The following CYP2C19 variants were observed in gnomAD, a reference collection of about 807,000 sequenced individuals.
CYP2C19 encodes the protein cytochrome P450 2C19.
CYP2C19 carries 59 observed loss-of-function variants against 40.9 expected under a neutral mutation model. The ratio of observed to expected loss-of-function variants is 1.44; its 90% CI spans 1.17 to 1.79. The LOEUF is 1.79. CYP2C19 is among the 40% of genes most tolerant of loss of function. The pLI is 0.00. For missense variants in CYP2C19, 754 were observed against 596.9 expected, an observed-to-expected ratio of 1.26 and a Z score of -2.74; for synonymous variants, 253 against 208.7, an observed-to-expected ratio of 1.21 and a Z score of -1.83.
chr10:94,809,972 T>G (rs1848889612), intron 5 of CYP2C19, among the ~76,000 whole-genome samples: 1 of 152,004 alleles, frequency 6.6e-6, no homozygotes. Flanking sequence ...ACTTCTGCCT[T>G]TCAGATTCAA....
chr10:94,835,395 C>T (rs952707109), intron 6 of CYP2C19, among the ~76,000 whole-genome samples: 2 of 152,116 alleles, frequency 1.3e-5, no homozygotes, highest in South Asian at 2.1e-4. Flanking sequence ...GGTGGCTAGC[C>T]ATCCCGAGGG....
At chr10:94,813,034 C>T (rs1416345336) in intron 5 of CYP2C19, among the ~76,000 whole-genome samples, 7 of 151,618 alleles carry the variant, frequency 4.6e-5, no homozygotes, top group South Asian at 4.2e-4. Context: ...TGTTGGTGAC[C>T]TTTGAATGGG....
intron 6 of CYP2C19, among the ~76,000 whole-genome samples, chr10:94,836,889 A>G (rs1424660485): frequency 2.0e-5 from 3 of 152,202 alleles, no homozygotes; most frequent in Admixed American, 6.5e-5. Context: ...GTGTCCAGGT[A>G]TGAGAATTGA....
Position 94,775,107 on chromosome 10 carries a change from G to A in CYP2C19, c.218G>A (p.Arg73His), listed in dbSNP as rs201306972. Residue 73 changes from arginine (R) to histidine (H), a missense_variant, in exon 2 of 9, where the codon CGC becomes CAC. Coordinates refer to ENST00000371321, the MANE Select transcript of CYP2C19 (RefSeq NM_000769.4). ...PVFTLYFGLE[R>H]MVVLHGYEVV... ...TTCACTCTGTATTTTGGCCTGGAAC[G>A]CATGGTGGTGCTGCATGGATATGAA... is the stretch of plus-strand genomic sequence containing the variant. 69 of 1,614,110 alleles carry A rather than the reference G, an allele frequency of 4.3e-5. No individual in the cohort carries two copies. Among genetic ancestry groups the A allele is most frequent in the African/African-American group, 2.4e-4 (18 of 75,036 alleles).
Position 94,840,529 on chromosome 10 carries a change from C to G in CYP2C19, c.962-2308C>G, listed in dbSNP as rs141113061. On this transcript the variant is annotated intron_variant, in intron 6 of 8. Coordinates refer to ENST00000371321, the MANE Select transcript of CYP2C19 (RefSeq NM_000769.4). The stretch of plus-strand genomic sequence containing the variant: ...AAATGAAAGTCTGAAACATTAGTAC[C>G]TAGGAGGCAGGGATCAGAGGAAGTA... Among the ~76,000 whole-genome samples the G allele has an allele frequency of 3.4e-3, 517 of 152,206 alleles. 2 individuals are homozygous for G. Among genetic ancestry groups the G allele is most frequent in the African/African-American group, 0.012 (501 of 41,500 alleles).
At chr10:94,845,912 A>C (rs1266934536) in intron 7 of CYP2C19, among the ~76,000 whole-genome samples, 1 of 152,044 alleles carries the variant, frequency 6.6e-6, no homozygotes, top group African/African-American at 2.4e-5. Context: ...TACATATGGC[A>C]GTGTGTATAT....
chr10:94,771,006 G>A (rs868325404), intron 1 of CYP2C19, among the ~76,000 whole-genome samples: 8 of 152,066 alleles, frequency 5.3e-5, no homozygotes, highest in African/African-American at 1.9e-4. Context: ...TAAAGGCCAG[G>A]GTTTGATCTA....
intron 5 of CYP2C19, among the ~76,000 whole-genome samples, chr10:94,817,970 G>A (rs367933184): frequency 0.022 from 2,902 of 130,524 alleles, 94 homozygotes; most frequent in African/African-American, 0.072. Flanking sequence ...CCGAGATCCC[G>A]CCACTGCACT....
chr10:94,775,841 A>G (rs552300757), intron 3 of CYP2C19: 199 of 445,534 alleles, frequency 4.5e-4, no homozygotes, highest in Middle Eastern at 6.3e-4. Context: ...CATTTTTTGA[A>G]AGAGTTAAAG....
At chr10:94,765,374 C>T (rs1476529920) in intron 1 of CYP2C19, among the ~76,000 whole-genome samples, 1 of 151,836 alleles carries the variant, frequency 6.6e-6, no homozygotes, top group Non-Finnish European at 1.5e-5. Flanking sequence ...AGATATAGGT[C>T]GACATTCCAC....
chr10:94,840,577 T>G (rs1160737777), intron 6 of CYP2C19, among the ~76,000 whole-genome samples: 2 of 152,138 alleles, frequency 1.3e-5, no homozygotes, highest in Non-Finnish European at 1.5e-5. Context: ...AGGAGAATTT[T>G]GGGGCTACAC....
At chr10:94,778,376 A>C (rs551643273) in intron 3 of CYP2C19, among the ~76,000 whole-genome samples, 57 of 152,284 alleles carry the variant, frequency 3.7e-4, no homozygotes, top group African/African-American at 1.3e-3. Context: ...CCGACCTTTC[A>C]GAAGGCCTGC....
intron 3 of CYP2C19, among the ~76,000 whole-genome samples, chr10:94,777,270 T>A (rs193111056): frequency 6.6e-6 from 1 of 152,240 alleles, no homozygotes; most frequent in African/African-American, 2.4e-5. Context: ...CAAGCTGCCA[T>A]TGAGTTTCTT....
intron 1 of CYP2C19, among the ~76,000 whole-genome samples, chr10:94,770,206 C>A (rs988504238): frequency 6.6e-6 from 1 of 152,030 alleles, no homozygotes; most frequent in East Asian, 1.9e-4. Context: ...CACCCTGAGT[C>A]CTGTTGTTGG....
intron 5 of CYP2C19, among the ~76,000 whole-genome samples, chr10:94,816,921 T>A (rs1849015017): frequency 1.4e-5 from 2 of 141,418 alleles, no homozygotes; most frequent in Non-Finnish European, 3.1e-5. Context: ...TCATTTTTTA[T>A]GGCTGCATAG....
chr10:94,854,198 T>C lies in CYP2C19; in HGVS notation c.*1284T>C, dbSNP rs1328725604. Among the ~76,000 whole-genome samples, 1 of 151,944 alleles carries C rather than the reference T, an allele frequency of 6.6e-6. No homozygotes were observed. On this transcript the variant is annotated 3_prime_UTR_variant, in exon 9 of 9. Transcript: ENST00000371321. ...CACACCAGGCTAATTTTTGTATTTTTAGTAGAGACAGGGTTTCACTATGTG... is the reference window on the plus strand; with the variant it reads ...CACACCAGGCTAATTTTTGTATTTTCAGTAGAGACAGGGTTTCACTATGTG...
Position 94,852,996 on chromosome 10 carries a change from T to A in CYP2C19, c.*82T>A. 7.0e-7 allele frequency: 1 copy of A among 1,427,884 alleles called. No homozygotes were observed. Among genetic ancestry groups the A allele is most frequent in the Non-Finnish European group, 9.7e-7 (1 of 1,028,540 alleles). 88.5% of individuals were successfully genotyped at this position (1,427,884 alleles called of 1,614,324 possible). A position where few individuals can be genotyped will look rare whatever the true frequency, so the allele number is the denominator to read the frequency against. On this transcript the variant is annotated 3_prime_UTR_variant, in exon 9 of 9. Coordinates refer to ENST00000371321, the MANE Select transcript of CYP2C19 (RefSeq NM_000769.4). Reference sequence around the variant, plus strand: ...GTCCAAATTTCACTATCTGTGATGCTTCTTCTGACCCGTCATCTCACATTT... The same window carrying A: ...GTCCAAATTTCACTATCTGTGATGCATCTTCTGACCCGTCATCTCACATTT...
At chr10:94,769,152 G>T (rs1467453655) in intron 1 of CYP2C19, among the ~76,000 whole-genome samples, 1 of 152,174 alleles carries the variant, frequency 6.6e-6, no homozygotes, top group Non-Finnish European at 1.5e-5. Context: ...GCAAAGCTGG[G>T]CCTTTGACCT....
In CYP2C19 at chr10:94,852,884, C is replaced by T; in HGVS notation, c.1443C>T (p.Pro481=). The stretch of plus-strand genomic sequence containing the variant: ...TCAATGGATTTGCTTCTGTCCCGCC[C>T]TTCTATCAGCTGTGCTTCATTCCTG... ...PVVNGFASVP[P]FYQLCFIPV is the part of the protein sequence containing the mutation. The change falls in exon 9 of 9, where the codon CCC becomes CCT. Residue 481 remains proline, a synonymous_variant. Coordinates refer to ENST00000371321, the MANE Select transcript of CYP2C19 (RefSeq NM_000769.4). 1.2e-6 allele frequency: 2 copies of T among 1,614,036 alleles called. No individual in the cohort carries two copies. Among genetic ancestry groups the T allele is most frequent in the Non-Finnish European group, 1.7e-6 (2 of 1,179,948 alleles).
Sources: allele counts gnomAD v4.1 joint callset (sites outside exome capture counted in the v4.1 genomes callset), GRCh38; gene constraint gnomAD v4.1.1; transcripts MANE v1.5; gene names NCBI Gene and HGNC (gene_info 2026-07-23, HGNC 2026-07-21).